Variants in RNF216 observed in about 807,000 individuals in gnomAD.
The protein encoded by RNF216 is E3 ubiquitin-protein ligase RNF216.
Under a neutral mutation model 110.8 loss-of-function variants are expected in RNF216, and 72 were observed. That is an observed-to-expected ratio of 0.65 (90% CI 0.54 to 0.79). The LOEUF (loss-of-function observed/expected upper bound fraction) is 0.79, where lower values mean the gene tolerates loss of function less well. Ranked by LOEUF, RNF216 falls within the 30% of genes least tolerant of loss-of-function variation. The probability of loss-of-function intolerance (pLI) is 0.00; values close to 1 mark genes in which losing one functional copy is unlikely to be tolerated. For missense variants in RNF216, 1,342 were observed against 1,141.2 expected, an observed-to-expected ratio of 1.18 and a Z score of -2.54; for synonymous variants, 495 against 407.5, an observed-to-expected ratio of 1.21 and a Z score of -2.59.
At chr7:5,700,162 C>A (rs1791874548) in intron 13 of RNF216, among the ~76,000 whole-genome samples, 1 of 152,108 alleles carries the variant, frequency 6.6e-6, no homozygotes, top group African/African-American at 2.4e-5. Context: ...TTCTCTTCTA[C>A]CTGGAAGGCT....
intron 3 of RNF216, among the ~76,000 whole-genome samples, chr7:5,743,699 A>T (rs1794888798): frequency 6.6e-6 from 1 of 152,214 alleles, no homozygotes; most frequent in African/African-American, 2.4e-5. Context: ...AAAGACCTGG[A>T]AGGATACATG....
chr7:5,712,765 C>T lies in RNF216; in HGVS notation c.1932G>A (p.Glu644=), dbSNP rs1244907363. ...LPQTILYKYY[E]RKAEEEVAAA... is the part of the protein sequence containing the mutation. ...CCGCAACCTCCTCCTCGGCTTTTCGCTCATAGTACTTATACAGGATGGTCT... is the reference window on the plus strand; with the variant it reads ...CCGCAACCTCCTCCTCGGCTTTTCGTTCATAGTACTTATACAGGATGGTCT... Residue 644 remains glutamate, a synonymous_variant, in exon 12 of 17, where the codon GAG becomes GAA. Coordinates refer to ENST00000389902, the MANE Select transcript of RNF216 (RefSeq NM_207111.4). 4 of 1,614,112 alleles carry T rather than the reference C, an allele frequency of 2.5e-6. No homozygotes were observed. Among genetic ancestry groups the T allele is most frequent in the Middle Eastern group, 1.6e-4 (1 of 6,062 alleles).
At position 5,729,555 on chromosome 7, in the gene RNF216, A is replaced by C. The variant is rs781424488; in HGVS notation, c.1266T>G (p.Pro422=). 2 of 1,614,200 alleles carry C rather than the reference A, an allele frequency of 1.2e-6. No individual in the cohort carries two copies. The highest frequency in any genetic ancestry group is 2.2e-5 in the South Asian group (2 of 91,080). ...CTTGGATGAAGCAGCGCTGGTCAAG[A>C]GGGGTCAATTTAGAATAGTCAAAAA... is the stretch of plus-strand genomic sequence containing the variant. ...IDFFDYSKLT[P]LDQRCFIQAA... The change falls in exon 7 of 17, where the codon CCT becomes CCG. Residue 422 remains proline, a synonymous_variant. Coordinates refer to ENST00000389902, the MANE Select transcript of RNF216 (RefSeq NM_207111.4).
chr7:5,761,473 G>C (rs1410821860), intron 1 of RNF216, among the ~76,000 whole-genome samples: 1 of 152,106 alleles, frequency 6.6e-6, no homozygotes, highest in African/African-American at 2.4e-5. Flanking sequence ...CTAATAATCA[G>C]GGAAAGGCAA....
In RNF216 at chr7:5,707,763, G is replaced by A. The variant is rs897958647; in HGVS notation, c.2061+3998C>T. 6.4e-5 allele frequency among the ~76,000 whole-genome samples: 8 copies of A among 124,460 alleles called. 1 individual carries two copies. Among genetic ancestry groups the A allele is most frequent in the Non-Finnish European group, 1.1e-4 (7 of 63,226 alleles). The allele number at this position is 124,460 out of a possible 152,430, so 81.7% of individuals were successfully genotyped here. A position where few individuals can be genotyped will look rare whatever the true frequency, so the allele number is the denominator to read the frequency against. ...TTTTGTGACAGAGTCTCACTCTGTC[G>A]CCCAGGCTGGAGTACAGCGGCACAA... On this transcript the variant is annotated intron_variant, in intron 13 of 16. Coordinates refer to ENST00000389902, the MANE Select transcript of RNF216 (RefSeq NM_207111.4).
chr7:5,695,966 T>C (rs1791602244), intron 13 of RNF216, among the ~76,000 whole-genome samples: 5 of 152,160 alleles, frequency 3.3e-5, no homozygotes, highest in Non-Finnish European at 7.4e-5. Context: ...CAGACTTCAT[T>C]TCCTCACACA....
intron 9 of RNF216, among the ~76,000 whole-genome samples, chr7:5,720,218 C>T (rs1008889970): frequency 6.6e-6 from 1 of 152,184 alleles, no homozygotes; most frequent in Non-Finnish European, 1.5e-5. Context: ...CACTTATGTG[C>T]TGATTTTCTT....
At chr7:5,657,542 G>C (rs1788824842) in intron 13 of RNF216, among the ~76,000 whole-genome samples, 1 of 151,912 alleles carries the variant, frequency 6.6e-6, no homozygotes, top group African/African-American at 2.4e-5. Context: ...ACTCCAGCCT[G>C]GGCAACAAGA....
At chr7:5,634,467 C>T (rs912632569) in intron 15 of RNF216, among the ~76,000 whole-genome samples, 1 of 152,242 alleles carries the variant, frequency 6.6e-6, no homozygotes, top group Admixed American at 6.5e-5. Flanking sequence ...CCTTAGCCCC[C>T]ACCCCTTGCT....
Position 5,661,799 on chromosome 7 carries a change from C to T in RNF216, c.2062-9289G>A, listed in dbSNP as rs79030488. On this transcript the variant is annotated intron_variant, in intron 13 of 16. Transcript: ENST00000389902. ...GCCTGGGCGAGACAATGAGACTCTGCTCAAACAAAAACAAAAACAAAAAAG... is the reference window on the plus strand; with the variant it reads ...GCCTGGGCGAGACAATGAGACTCTGTTCAAACAAAAACAAAAACAAAAAAG... 4.6e-5 allele frequency among the ~76,000 whole-genome samples: 7 copies of T among 152,138 alleles called. No homozygotes were observed. In the East Asian group the frequency reaches 1.4e-3, roughly 29 times the overall value.
chr7:5,629,700 G>A (rs560523552), intron 15 of RNF216, among the ~76,000 whole-genome samples: 7 of 151,942 alleles, frequency 4.6e-5, no homozygotes, highest in South Asian at 2.1e-4. Flanking sequence ...AGTGGCAGGC[G>A]TCTGTAATCT....
At chr7:5,753,145 T>A (rs73048704) in intron 2 of RNF216, among the ~76,000 whole-genome samples, 166 bp from the exon 3 acceptor site, 58 of 152,350 alleles carry the variant, frequency 3.8e-4, no homozygotes, top group Middle Eastern at 3.4e-3. Context: ...CATGTTTCTA[T>A]GCTGACTTTT....
At chr7:5,663,356 G>A (rs1409257858) in intron 13 of RNF216, among the ~76,000 whole-genome samples, 2 of 151,844 alleles carry the variant, frequency 1.3e-5, no homozygotes, top group East Asian at 3.9e-4. Flanking sequence ...CGAGGCAGGT[G>A]GATCATGACG....
intron 13 of RNF216, among the ~76,000 whole-genome samples, chr7:5,710,644 T>G (rs1050547323): frequency 2.6e-5 from 4 of 152,224 alleles, no homozygotes; most frequent in African/African-American, 9.6e-5. Flanking sequence ...CTGCCCCTAC[T>G]CAGCTTATGA....
At chr7:5,627,442 G>A (rs1786780706) in intron 15 of RNF216, among the ~76,000 whole-genome samples, 1 of 152,146 alleles carries the variant, frequency 6.6e-6, no homozygotes, top group Non-Finnish European at 1.5e-5. Flanking sequence ...ATGGATAGAA[G>A]GGGCAATTTC....
In RNF216 at chr7:5,711,810, A is replaced by C. The variant is rs1792712271; in HGVS notation, c.2012T>G (p.Leu671Trp). ...GCTGAACCTCTTCACATCACTGTCC[A>C]ACAGAGCCGGAAAGCTACAGGACGG... ...RCPSCSFPAL[L>W]DSDVKRFSCP... The change falls in exon 13 of 17, where the codon TTG (leucine) becomes TGG (tryptophan). Residue 671 changes from leucine to tryptophan, a missense_variant. Transcript: ENST00000389902. 1 of 1,614,004 alleles carries C rather than the reference A, an allele frequency of 6.2e-7. No homozygotes were observed. The highest frequency in any genetic ancestry group is 8.5e-7 in the Non-Finnish European group (1 of 1,179,958).
At chr7:5,770,053 A>T (rs1341413421) in intron 1 of RNF216, among the ~76,000 whole-genome samples, 3 of 145,844 alleles carry the variant, frequency 2.1e-5, no homozygotes, top group Non-Finnish European at 4.5e-5. Flanking sequence ...AAAAAAAAAA[A>T]GACTGAAAAT....
chr7:5,771,251 A>G (rs1343675505), intron 1 of RNF216, among the ~76,000 whole-genome samples: 3 of 152,194 alleles, frequency 2.0e-5, no homozygotes, highest in African/African-American at 7.2e-5. Context: ...CATGCCTTAC[A>G]CAAAAACAAT....
chr7:5,755,502 T>C (rs754924326), intron 2 of RNF216, among the ~76,000 whole-genome samples: 5 of 152,218 alleles, frequency 3.3e-5, no homozygotes, highest in Non-Finnish European at 7.3e-5. Context: ...CCCTTGTGCT[T>C]TCTCCCAATT....
Sources: gnomAD v4.1 joint callset for allele counts (sites outside exome capture counted in the v4.1 genomes callset) on GRCh38, gnomAD v4.1.1 for gene constraint, MANE v1.5 for transcripts, NCBI Gene and HGNC (gene_info 2026-07-23, HGNC 2026-07-21) for gene names.